Variants in SPATA6 observed in about 807,000 individuals in gnomAD.
The protein encoded by SPATA6 is spermatogenesis-associated protein 6.
Under a neutral mutation model 65.3 loss-of-function variants are expected in SPATA6, and 56 were observed. The ratio of observed to expected loss-of-function variants is 0.86; its 90% CI spans 0.69 to 1.07. The LOEUF is 1.07. SPATA6 is among the 50% of genes least tolerant of loss of function. SPATA6 has a pLI of 0.00. For missense variants in SPATA6, 590 were observed against 594.8 expected (o/e 0.99, Z 0.08); for synonymous variants, 199 against 213.2 (o/e 0.93, Z 0.58).
intron 5 of SPATA6, 60 bp downstream of exon 5, chr1:48,411,404 C>T (rs928833539): frequency 1.6e-5 from 25 of 1,545,986 alleles, no homozygotes; most frequent in Admixed American, 3.8e-5. Context: ...GAGCACTATG[C>T]GGTGGTTTCT....
intron 3 of SPATA6, chr1:48,437,108 T>C: frequency 1.3e-6 from 2 of 1,599,136 alleles, no homozygotes; most frequent in Non-Finnish European, 1.7e-6. Flanking sequence ...GATTCAATAC[T>C]TTCACGGTTG....
chr1:48,266,097 G>A, the SPATA6 span, among the ~76,000 whole-genome samples: 2,221 of 152,208 alleles, frequency 0.015, 53 homozygotes, highest in African/African-American at 0.051. Context: ...AGCAAAGGTG[G>A]GTTAATAAGT....
At chr1:48,368,069 G>A (rs1647090481) in intron 9 of SPATA6, among the ~76,000 whole-genome samples, 1 of 152,134 alleles carries the variant, frequency 6.6e-6, no homozygotes, top group African/African-American at 2.4e-5. Context: ...TAGTTTGGCT[G>A]GATATGAAAT....
intron 9 of SPATA6, among the ~76,000 whole-genome samples, chr1:48,365,867 G>C (rs1393205163): frequency 6.6e-6 from 1 of 152,148 alleles, no homozygotes; most frequent in South Asian, 2.1e-4. Flanking sequence ...TCCCTGTCTT[G>C]TGCCAGTTTT....
intron 7 of SPATA6, chr1:48,399,149 T>C: frequency 1.8e-6 from 1 of 568,906 alleles, no homozygotes; most frequent in Non-Finnish European, 3.0e-6. Context: ...TAACACAGCT[T>C]GATCTCTGTC....
chr1:48,306,011 G>T, intron 11 of SPATA6, 133 bp from the exon 12 acceptor site: 1 of 618,878 alleles, frequency 1.6e-6, no homozygotes, highest in Non-Finnish European at 2.8e-6. Context: ...AAATGCTAGT[G>T]TTTCTTTGGG....
Position 48,305,822 on chromosome 1 carries a change from A to C in SPATA6, c.1251T>G (p.Cys417Trp), listed in dbSNP as rs564236480. ...DELELKRSLL[C>W]RDSAYDSDPE... is the part of the protein sequence containing the mutation. ...GGTCACTGTCATAGGCAGAGTCTCT[A>C]CATAAAAGACTTCTTTTCAGTTCCA... Residue 417 changes from cysteine to tryptophan, a missense_variant, in exon 12 of 13, where the codon TGT (cysteine) becomes TGG (tryptophan). Physicochemically the swap from Cys to Trp is radical, Grantham distance 215 (BLOSUM62 -2). Transcript: ENST00000371847. 133 of 1,612,390 alleles carry C rather than the reference A, an allele frequency of 8.2e-5. 1 individual carries two copies. In the South Asian group the frequency reaches 1.4e-3, roughly 17 times the overall value.
chr1:48,367,946 T>C lies in SPATA6; in HGVS notation c.910-8176A>G, dbSNP rs1465519569. ...CAGTGGCTGATACCAGTTGTTCCTT[T>C]CCATGTTTAGTGCTTCCTTCAGGAG... On this transcript the variant is annotated intron_variant, in intron 9 of 12. Coordinates refer to ENST00000371847, the MANE Select transcript of SPATA6 (RefSeq NM_019073.4). Among the ~76,000 whole-genome samples the C allele has an allele frequency of 4.6e-5, 7 of 152,236 alleles. 1 individual carries two copies. Among genetic ancestry groups the C allele is most frequent in the Non-Finnish European group, 5.9e-5 (4 of 68,040 alleles).
the SPATA6 span, among the ~76,000 whole-genome samples, chr1:48,282,885 T>C: frequency 6.6e-6 from 1 of 152,090 alleles, no homozygotes; most frequent in Non-Finnish European, 1.5e-5. Context: ...CATGCACACA[T>C]ACATTTATTG....
chr1:48,445,340 C>G (rs890812707), intron 3 of SPATA6, among the ~76,000 whole-genome samples: 1 of 152,156 alleles, frequency 6.6e-6, no homozygotes, highest in Non-Finnish European at 1.5e-5. Context: ...CTCCTTTCCC[C>G]TTCCATTACA....
chr1:48,459,047 T>C (rs1355107175), intron 1 of SPATA6, among the ~76,000 whole-genome samples: 1 of 151,036 alleles, frequency 6.6e-6, no homozygotes, highest in African/African-American at 2.4e-5. Flanking sequence ...CTACTAAAAA[T>C]AGAAAAAATT....
chr1:48,262,117 G>A, the SPATA6 span: 1 of 152,096 alleles, frequency 6.6e-6, no homozygotes, highest in Non-Finnish European at 1.5e-5. Context: ...AGTTCTGCAT[G>A]AGCAACAAGA....
the SPATA6 span, among the ~76,000 whole-genome samples, chr1:48,276,023 G>A: frequency 5.2e-3 from 787 of 152,150 alleles, 20 homozygotes; most frequent in South Asian, 0.05. Context: ...CTTATTATTG[G>A]TCTATTCAGG....
chr1:48,397,951 G>A, intron 7 of SPATA6, among the ~76,000 whole-genome samples: 1 of 151,280 alleles, frequency 6.6e-6, no homozygotes, highest in East Asian at 1.9e-4. Context: ...ATTTTAATGT[G>A]GCTTACCCCT....
chr1:48,391,203 G>GA (rs34715593), intron 8 of SPATA6, among the ~76,000 whole-genome samples: 13 of 108,386 alleles, frequency 1.2e-4, no homozygotes, highest in South Asian at 3.3e-4. Context: ...AATCTCTACA[G>GA]AAAAAAAAAA....
intron 1 of SPATA6, among the ~76,000 whole-genome samples, chr1:48,461,552 C>T (rs1265651960): frequency 6.6e-6 from 1 of 152,212 alleles, no homozygotes; most frequent in Non-Finnish European, 1.5e-5. Flanking sequence ...CAGCTTTCTA[C>T]ATATGGCTAG....
At chr1:48,271,888 T>C in the SPATA6 span, among the ~76,000 whole-genome samples, 1 of 152,138 alleles carries the variant, frequency 6.6e-6, no homozygotes, top group South Asian at 2.1e-4. Context: ...TCAATAGATA[T>C]TGTACTGTAA....
intron 7 of SPATA6, chr1:48,399,110 G>A (rs942572955): frequency 2.6e-4 from 113 of 435,482 alleles, no homozygotes; most frequent in African/African-American, 1.9e-3. Flanking sequence ...AAAGGAAACC[G>A]GTACTGAGAG....
chr1:48,275,075 C>T, the SPATA6 span, among the ~76,000 whole-genome samples: 1 of 152,018 alleles, frequency 6.6e-6, no homozygotes, highest in South Asian at 2.1e-4. Context: ...AGTTTTATTC[C>T]TAGGTATTTG....
Sources: gnomAD v4.1 joint callset for allele counts (sites outside exome capture counted in the v4.1 genomes callset) on GRCh38, gnomAD v4.1.1 for gene constraint, MANE v1.5 for transcripts, NCBI Gene and HGNC (gene_info 2026-07-23, HGNC 2026-07-21) for gene names.